PREX1: variants seen among roughly 807,000 people sequenced by gnomAD.
The protein encoded by PREX1 is phosphatidylinositol 3,4,5-trisphosphate-dependent Rac exchanger 1 protein.
In PREX1, 41 loss-of-function variants were observed where a neutral mutation model predicts 198.3. The ratio of observed to expected loss-of-function variants is 0.21; its 90% CI spans 0.16 to 0.27. The LOEUF is 0.27. Among genes scored for constraint, PREX1 ranks in the 10% least tolerant of loss-of-function variants. The pLI, the probability that PREX1 is intolerant of heterozygous loss-of-function variation, is 1.00. For synonymous variants in PREX1, 843 were observed against 887.2 expected (o/e 0.95, Z 0.89); for missense variants, 1,620 against 2,200.7 (o/e 0.74, Z 5.28).
At position 48,629,426 on chromosome 20, in the gene PREX1, C is replaced by T. The variant is rs768869025; in HGVS notation, c.4766+23G>A. On this transcript the variant is annotated intron_variant, in intron 37 of 39. Transcript: ENST00000371941. ...GCTAGGCCAGCCCCTCCCCACACCC[C>T]GACTCAGCGGGCAGCAGCTCACCTC... 49 of 1,607,708 alleles carry T rather than the reference C, an allele frequency of 3.0e-5. No individual in the cohort carries two copies. The East Asian group carries it at 7.8e-4, about 26-fold the overall frequency.
chr20:48,695,133 C>A (rs900367476), intron 7 of PREX1, among the ~76,000 whole-genome samples: 1 of 152,202 alleles, frequency 6.6e-6, no homozygotes, highest in Non-Finnish European at 1.5e-5. Flanking sequence ...TTTAGCTCCC[C>A]ACAGGCACCC....
At chr20:48,626,427 A>T (rs905610558) in intron 39 of PREX1, among the ~76,000 whole-genome samples, 17 of 152,366 alleles carry the variant, frequency 1.1e-4, no homozygotes, top group African/African-American at 4.1e-4. Flanking sequence ...TCAGAATCCC[A>T]GCTTTTCCAT....
intron 1 of PREX1, among the ~76,000 whole-genome samples, chr20:48,803,592 A>G (rs996061201): frequency 6.6e-6 from 1 of 152,174 alleles, no homozygotes; most frequent in East Asian, 1.9e-4. Flanking sequence ...ACACAGGGCC[A>G]CACACGCCAA....
chr20:48,816,028 G>GA (rs1568652451), intron 1 of PREX1, among the ~76,000 whole-genome samples: 8 of 120,160 alleles, frequency 6.7e-5, no homozygotes, highest in Admixed American at 2.5e-4. Flanking sequence ...AAGAAAAAAA[G>GA]GAAAAAAAAA....
chr20:48,644,107 T>G (rs6019342), intron 27 of PREX1, among the ~76,000 whole-genome samples: 23,416 of 152,228 alleles, frequency 0.15, 3,411 homozygotes, highest in African/African-American at 0.38. Context: ...GAACATGAAG[T>G]ACACAGAATT....
intron 9 of PREX1, among the ~76,000 whole-genome samples, chr20:48,689,830 A>G (rs879283861): frequency 6.6e-6 from 1 of 152,242 alleles, no homozygotes; most frequent in Non-Finnish European, 1.5e-5. Context: ...CTCTAGACAA[A>G]TAATCCATGG....
chr20:48,700,404 C>T (rs1231047213), intron 7 of PREX1, among the ~76,000 whole-genome samples: 1 of 152,062 alleles, frequency 6.6e-6, no homozygotes, highest in African/African-American at 2.4e-5. Flanking sequence ...ATTTTGAGAA[C>T]TTAGTGTTAA....
chr20:48,810,974 C>A (rs905417002), intron 1 of PREX1, among the ~76,000 whole-genome samples: 1 of 152,084 alleles, frequency 6.6e-6, no homozygotes, highest in Non-Finnish European at 1.5e-5. Flanking sequence ...GTGTTAGGAA[C>A]ATGTTATGGA....
intron 1 of PREX1, among the ~76,000 whole-genome samples, chr20:48,812,273 G>T (rs2123048263): frequency 6.6e-6 from 1 of 151,694 alleles, no homozygotes; most frequent in South Asian, 2.1e-4. Flanking sequence ...TAAGAGGAAT[G>T]GGTAAATAAC....
intron 30 of PREX1, among the ~76,000 whole-genome samples, chr20:48,639,349 G>A (rs2089390687): frequency 6.6e-6 from 1 of 152,218 alleles, no homozygotes; most frequent in African/African-American, 2.4e-5. Flanking sequence ...TTTTGCTGCT[G>A]CAGCATCGAA....
intron 1 of PREX1, among the ~76,000 whole-genome samples, chr20:48,775,878 G>A (rs572746271): frequency 6.6e-6 from 1 of 152,274 alleles, no homozygotes; most frequent in South Asian, 2.1e-4. Context: ...CCAGTGTCGG[G>A]TATGTCTTTA....
chr20:48,791,625 C>G (rs879743779), intron 1 of PREX1, among the ~76,000 whole-genome samples: 2 of 152,258 alleles, frequency 1.3e-5, no homozygotes, highest in Admixed American at 6.5e-5. Context: ...TTGAAACGGA[C>G]AAGAGCCAGA....
chr20:48,721,397 G>A (rs1016160803), intron 5 of PREX1, among the ~76,000 whole-genome samples: 1 of 152,214 alleles, frequency 6.6e-6, no homozygotes. Context: ...GAAGGCCTTG[G>A]GCAGGAGGCA....
intron 10 of PREX1, among the ~76,000 whole-genome samples, chr20:48,682,438 C>T (rs575811009): frequency 1.3e-5 from 2 of 152,306 alleles, no homozygotes; most frequent in African/African-American, 2.4e-5. Flanking sequence ...TGGCCATCTC[C>T]CCCAACCAGA....
chr20:48,884,054 G>A, the PREX1 span, among the ~76,000 whole-genome samples: 3 of 151,248 alleles, frequency 2.0e-5, no homozygotes, highest in African/African-American at 4.9e-5. Flanking sequence ...GCAGGAGAAC[G>A]GCCGTGAACT....
intron 1 of PREX1, among the ~76,000 whole-genome samples, chr20:48,805,554 A>C (rs2090408108): frequency 6.6e-6 from 1 of 152,222 alleles, no homozygotes; most frequent in Non-Finnish European, 1.5e-5. Flanking sequence ...GCAGACAACA[A>C]GTGCTGGCAG....
chr20:48,710,987 AT>A (rs1175735870), intron 5 of PREX1, among the ~76,000 whole-genome samples: 2 of 152,238 alleles, frequency 1.3e-5, no homozygotes, highest in African/African-American at 4.8e-5. Flanking sequence ...CCCAAGAGCC[AT>A]GGGGAGGTGA....
intron 4 of PREX1, among the ~76,000 whole-genome samples, chr20:48,731,305 A>G (rs1171864854): frequency 6.6e-6 from 1 of 152,194 alleles, no homozygotes; most frequent in Admixed American, 6.5e-5. Flanking sequence ...AGACCAATCT[A>G]AAACAGCATC....
chr20:48,756,801 T>C (rs2090157500), intron 1 of PREX1, among the ~76,000 whole-genome samples: 1 of 152,214 alleles, frequency 6.6e-6, no homozygotes. Context: ...AATAAAGATA[T>C]ACCAGAGACT....
Sources: gnomAD v4.1 joint callset for allele counts (sites outside exome capture counted in the v4.1 genomes callset) on GRCh38, gnomAD v4.1.1 for gene constraint, MANE v1.5 for transcripts, NCBI Gene and HGNC (gene_info 2026-07-23, HGNC 2026-07-21) for gene names.